The following PMFBP1 variants were observed in gnomAD, a reference collection of about 807,000 sequenced individuals.
PMFBP1 encodes the protein polyamine-modulated factor 1-binding protein 1.
A neutral mutation model predicts 137.8 loss-of-function variants in PMFBP1; 131 were observed. The ratio of observed to expected loss-of-function variants is 0.95; its 90% CI spans 0.82 to 1.10. The LOEUF is 1.10. Among genes scored for constraint, PMFBP1 ranks in the 50% least tolerant of loss-of-function variants. The pLI, the probability that PMFBP1 is intolerant of heterozygous loss-of-function variation, is 0.00. For missense variants in PMFBP1, 1,199 were observed against 1,175.4 expected, an observed-to-expected ratio of 1.02 and a Z score of -0.29; for synonymous variants, 490 against 450.4, an observed-to-expected ratio of 1.09 and a Z score of -1.11.
chr16:72,206,072 G>T, the PMFBP1 span, among the ~76,000 whole-genome samples: 1 of 152,174 alleles, frequency 6.6e-6, no homozygotes, highest in African/African-American at 2.4e-5. Flanking sequence ...TGGGAAATGG[G>T]CCAGGGGTCT....
chr16:72,208,459 TC>T, the PMFBP1 span, among the ~76,000 whole-genome samples: 1 of 152,238 alleles, frequency 6.6e-6, no homozygotes, highest in Non-Finnish European at 1.5e-5. Flanking sequence ...TCATTCCTTT[TC>T]CCCCAGCTTA....
chr16:72,149,269 T>C (rs979353384), intron 5 of PMFBP1, among the ~76,000 whole-genome samples: 4 of 152,208 alleles, frequency 2.6e-5, no homozygotes, highest in African/African-American at 9.6e-5. Flanking sequence ...ACAGTGTGGA[T>C]GGGTGTGGGG....
chr16:72,123,101 C>T (rs12935266), intron 18 of PMFBP1, 113 bp from the exon 19 acceptor site: 4 of 912,322 alleles, frequency 4.4e-6, no homozygotes, highest in South Asian at 1.5e-5. Context: ...CTGCATCCCA[C>T]GTCCCCCACG....
intron 10 of PMFBP1, among the ~76,000 whole-genome samples, chr16:72,131,083 C>A (rs2042543023): frequency 6.6e-6 from 1 of 152,086 alleles, no homozygotes; most frequent in South Asian, 2.1e-4. Flanking sequence ...CTCGCACCAA[C>A]TAGGCTCAGG....
At chr16:72,224,139 G>A in the PMFBP1 span, among the ~76,000 whole-genome samples, 2 of 152,308 alleles carry the variant, frequency 1.3e-5, no homozygotes, top group East Asian at 3.9e-4. Context: ...GGCAACACTT[G>A]AGAAGTTTCA....
the PMFBP1 span, among the ~76,000 whole-genome samples, chr16:72,249,920 C>CAAAAAAAAAAAAAAAAAA: frequency 3.3e-5 from 1 of 30,124 alleles, no homozygotes; most frequent in Non-Finnish European, 6.0e-5. Flanking sequence ...GACTCCATCG[C>CAAAAAAAAAAAAAAAAAA]AAAAAAAAAA....
chr16:72,192,014 C>A, the PMFBP1 span, among the ~76,000 whole-genome samples: 74 of 152,206 alleles, frequency 4.9e-4, no homozygotes, highest in Non-Finnish European at 9.6e-4. Flanking sequence ...TGTGTGTGAT[C>A]CCCTGCGAGC....
intron 5 of PMFBP1, 116 bp downstream of exon 5, chr16:72,150,492 G>A (rs2042884660): frequency 1.1e-6 from 1 of 948,688 alleles, no homozygotes; most frequent in Admixed American, 1.9e-5. Context: ...TCAAGGGCAG[G>A]AAGTGACATC....
Position 72,171,191 on chromosome 16 carries a change from C to G in PMFBP1, c.12+6G>C, listed in dbSNP as rs758169267. On this transcript the variant is annotated splice_donor_region_variant and intron_variant, in intron 2 of 20. Transcript: ENST00000237353. ...TCCATGCATGTAGAGGAGTTAGGAG[C>G]CTTACCTCATCTTTCATTTCCTTGG... 1.2e-6 allele frequency: 2 copies of G among 1,613,670 alleles called. No homozygotes were observed. Among genetic ancestry groups the G allele is most frequent in the South Asian group, 2.2e-5 (2 of 91,074 alleles).
intron 17 of PMFBP1, among the ~76,000 whole-genome samples, chr16:72,124,167 T>C (rs1194189710): frequency 6.6e-6 from 1 of 152,154 alleles, no homozygotes; most frequent in African/African-American, 2.4e-5. Context: ...TAGGCCACCA[T>C]GCTCAGCTAA....
chr16:72,129,007 G>T (rs1322196805), intron 13 of PMFBP1, 59 bp downstream of exon 13: 2 of 1,575,576 alleles, frequency 1.3e-6, no homozygotes, highest in Non-Finnish European at 1.7e-6. Context: ...GGAGGCCCAG[G>T]TGGGGTCATG....
chr16:72,176,289 C>T (rs1004787830), upstream of PMFBP1, among the ~76,000 whole-genome samples: 2 of 152,166 alleles, frequency 1.3e-5, no homozygotes, highest in African/African-American at 4.8e-5. Flanking sequence ...ATGAGACTCA[C>T]TGTCCTAGGT....
intron 2 of PMFBP1, among the ~76,000 whole-genome samples, chr16:72,170,070 T>G (rs2043199585): frequency 6.6e-6 from 1 of 152,134 alleles, no homozygotes; most frequent in Non-Finnish European, 1.5e-5. Flanking sequence ...GAAATTATTC[T>G]ACTAAGAAGG....
chr16:72,136,373 G>C (rs1473899340), intron 9 of PMFBP1, 75 bp downstream of exon 9: 1 of 1,529,014 alleles, frequency 6.5e-7, no homozygotes, highest in East Asian at 2.3e-5. Flanking sequence ...GTGGGTGAAG[G>C]CAGAACCGGT....
chr16:72,140,045 G>A (rs1053691350), intron 6 of PMFBP1, among the ~76,000 whole-genome samples: 3 of 152,174 alleles, frequency 2.0e-5, no homozygotes, highest in Non-Finnish European at 2.9e-5. Context: ...TATTCTTGAC[G>A]ATAAGTCACA....
chr16:72,151,371 T>C (rs1401150897), intron 4 of PMFBP1, among the ~76,000 whole-genome samples: 1 of 152,246 alleles, frequency 6.6e-6, no homozygotes, highest in Non-Finnish European at 1.5e-5. Context: ...CAGATATTTA[T>C]TGAAAGCTCA....
chr16:72,182,656 G>A, the PMFBP1 span, among the ~76,000 whole-genome samples: 3 of 152,198 alleles, frequency 2.0e-5, no homozygotes, highest in African/African-American at 7.2e-5. Context: ...GGGTGAAGCA[G>A]AAATGTACGA....
chr16:72,222,405 T>C, the PMFBP1 span, among the ~76,000 whole-genome samples: 1 of 152,158 alleles, frequency 6.6e-6, no homozygotes, highest in African/African-American at 2.4e-5. Context: ...CCTCCTTCTA[T>C]CTCTTATTTC....
At position 72,136,591 on chromosome 16, in the gene PMFBP1, C is replaced by A; in HGVS notation, c.1060G>T (p.Glu354Ter). 6.2e-7 allele frequency: 1 copy of A among 1,614,080 alleles called. No individual in the cohort carries two copies. The highest frequency in any genetic ancestry group is 8.5e-7 in the Non-Finnish European group (1 of 1,180,016). Residue 354 changes from glutamate to a stop codon, truncating the protein, a stop_gained, in exon 9 of 21, where the codon GAG becomes TAG. Transcript: ENST00000237353. LOFTEE classifies it high-confidence loss of function. Reference sequence around the variant, plus strand: ...TCCCGCAGTCCGTGCAGGTCCAGCTCCAGCTTCATCATGTCTACCATGGGG... The same window carrying A: ...TCCCGCAGTCCGTGCAGGTCCAGCTACAGCTTCATCATGTCTACCATGGGG... ...RNIMKDMMKL[E>*]LDLHGLREET...
Sources: allele counts gnomAD v4.1 joint callset (sites outside exome capture counted in the v4.1 genomes callset), GRCh38; gene constraint gnomAD v4.1.1; transcripts MANE v1.5; gene names NCBI Gene and HGNC (gene_info 2026-07-23, HGNC 2026-07-21).